The following KLC4 variants were observed in gnomAD, a reference collection of about 807,000 sequenced individuals.
The protein encoded by KLC4 is kinesin-like protein 8.
In KLC4, 49 loss-of-function variants were observed where a neutral mutation model predicts 77.2. That is an observed-to-expected ratio of 0.63 (90% confidence interval 0.50 to 0.80). KLC4 has a LOEUF of 0.80. Ranked by LOEUF, KLC4 falls within the 30% of genes least tolerant of loss-of-function variation. The pLI, the probability that KLC4 is intolerant of heterozygous loss-of-function variation, is 0.00. For synonymous variants in KLC4, 274 were observed against 314.5 expected, an observed-to-expected ratio of 0.87 and a Z score of 1.36; for missense variants, 669 against 793.5, an observed-to-expected ratio of 0.84 and a Z score of 1.89.
rs140510055 is a variant in KLC4, at chr6:43,061,361, G to C, written c.26G>C (p.Arg9Pro). Residue 9 changes from arginine (R) to proline (P), a missense_variant, in exon 2 of 16, where the codon CGG becomes CCG. Coordinates refer to ENST00000347162, the MANE Select transcript of KLC4 (RefSeq NM_201521.3). MSGLVLGQ[R>P]DEPAGHRLSQ... ...ATGTCAGGCCTGGTGTTGGGGCAGCGGGATGAGCCTGCAGGCCACCGGCTC... is the reference window on the plus strand; with the variant it reads ...ATGTCAGGCCTGGTGTTGGGGCAGCCGGATGAGCCTGCAGGCCACCGGCTC... The C allele has an allele frequency of 1.9e-6, 3 of 1,613,728 alleles. No homozygotes were observed. Among genetic ancestry groups the C allele is most frequent in the Non-Finnish European group, 2.5e-6 (3 of 1,180,036 alleles).
chr6:43,061,608 G>A lies in KLC4; in HGVS notation c.258+15G>A. 3.7e-6 allele frequency: 6 copies of A among 1,600,336 alleles called. No homozygotes were observed. Among genetic ancestry groups the A allele is most frequent in the Non-Finnish European group, 5.1e-6 (6 of 1,170,502 alleles). The stretch of plus-strand genomic sequence containing the variant: ...GTGAGGCCCAGGTGAGAGGGCAAAG[G>A]TGGTGCCAAGTGGTCCAGGGTGGAT... On this transcript the variant is annotated intron_variant, in intron 2 of 15. Coordinates refer to ENST00000347162, the MANE Select transcript of KLC4 (RefSeq NM_201521.3).
chr6:43,067,794 CAAA>C (rs1194376962), intron 6 of KLC4, among the ~76,000 whole-genome samples: 2 of 44,686 alleles, frequency 4.5e-5, no homozygotes, highest in Admixed American at 2.5e-4. Context: ...GACTCCGTCT[CAAA>C]AAAAAAAAAA....
rs1042876380 is a variant in KLC4, at chr6:43,059,670, C to G, written c.-41C>G. On this transcript the variant is annotated 5_prime_UTR_variant, in exon 1 of 16. Coordinates refer to ENST00000347162, the MANE Select transcript of KLC4 (RefSeq NM_201521.3). ...GCAGTACCGGCAAGAGCGGCAGCCA[C>G]ACCGGCAGATTGCAGGTGAGTCTTT... 1 of 1,346,782 alleles carries G rather than the reference C, an allele frequency of 7.4e-7. No homozygotes were observed. The highest frequency in any genetic ancestry group is 9.5e-7 in the Non-Finnish European group (1 of 1,052,026). 83.4% of individuals were successfully genotyped at this position (1,346,782 alleles called of 1,614,324 possible). A position where few individuals can be genotyped will look rare whatever the true frequency, so the allele number is the denominator to read the frequency against.
chr6:43,071,917 G>A lies in KLC4; in HGVS notation c.1374G>A (p.Val458=), dbSNP rs754904866. ...GAGGCTGGTACAAGGCCTGCAAAGT[G>A]AGCAGGTGAGCTGACAGTGAAAAGC... is the stretch of plus-strand genomic sequence containing the variant. ...EYGGWYKACK[V]SSPTVNTTLR... Residue 458 remains valine (V), a synonymous_variant, in exon 11 of 16, where the codon GTG becomes GTA. Coordinates refer to ENST00000347162, the MANE Select transcript of KLC4 (RefSeq NM_201521.3). The A allele has an allele frequency of 6.2e-7, 1 of 1,609,264 alleles. No homozygotes were observed. The highest frequency in any genetic ancestry group is 1.3e-5 in the African/African-American group (1 of 74,892).
intron 5 of KLC4, among the ~76,000 whole-genome samples, 156 bp downstream of exon 5, chr6:43,066,681 T>A (rs1290184494): frequency 6.6e-6 from 1 of 152,184 alleles, no homozygotes; most frequent in East Asian, 1.9e-4. Flanking sequence ...GCCAGAACTC[T>A]CACTTTTCCC....
chr6:43,072,328 G>C, intron 12 of KLC4, 73 bp downstream of exon 12: 1 of 1,146,416 alleles, frequency 8.7e-7, no homozygotes, highest in East Asian at 2.4e-5. Context: ...AGGTTTCTTG[G>C]GAGTCTCCTA....
Position 43,066,487 on chromosome 6 carries a change from T to G in KLC4, c.753T>G (p.Asp251Glu). ...GCACATCAGGCCGTGGCCACCCTGA[T>G]GTCGCCACCATGCTCAACATCCTTG... ...LERTSGRGHP[D>E]VATMLNILAL... is the part of the protein sequence containing the mutation. Residue 251 changes from aspartate (D) to glutamate (E), a missense_variant, in exon 5 of 16, where the codon GAT becomes GAG. Transcript: ENST00000347162. 6.2e-7 allele frequency: 1 copy of G among 1,613,902 alleles called. No homozygotes were observed. The highest frequency in any genetic ancestry group is 8.5e-7 in the Non-Finnish European group (1 of 1,179,884).
chr6:43,063,878 G>A (rs780481425), intron 3 of KLC4, among the ~76,000 whole-genome samples: 6 of 151,458 alleles, frequency 4.0e-5, no homozygotes, highest in Non-Finnish European at 8.8e-5. Flanking sequence ...TTTAACCCTC[G>A]CTCAACAGAA....
intron 1 of KLC4, chr6:43,060,418 A>G (rs1264487506): frequency 1.3e-6 from 1 of 790,792 alleles, no homozygotes; most frequent in Non-Finnish European, 1.8e-6. Flanking sequence ...GGAGGGAGGG[A>G]GGGTGTTTGT....
In KLC4 at chr6:43,070,466, CCTCT is replaced by C; in HGVS notation, c.981+15_981+18del. On this transcript the variant is annotated intron_variant, in intron 7 of 15. Coordinates refer to ENST00000347162, the MANE Select transcript of KLC4 (RefSeq NM_201521.3). ...GAGATTCGAGAAAAGGTACCCATGC[CCTCT>C]CTCCCTTCTTCTCTTGTCGCTGTGA... The C allele has an allele frequency of 1.3e-6, 2 of 1,586,290 alleles. No individual in the cohort carries two copies. Among genetic ancestry groups the C allele is most frequent in the South Asian group, 2.2e-5 (2 of 90,462 alleles).
In KLC4 at chr6:43,059,901, C is replaced by G. The variant is rs1043011471; in HGVS notation, c.-26+216C>G. 1.1e-5 allele frequency: 14 copies of G among 1,249,408 alleles called. No homozygotes were observed. In the South Asian group the frequency reaches 1.5e-4, roughly 14 times the overall value. 77.4% of individuals were successfully genotyped at this position (1,249,408 alleles called of 1,614,324 possible). A position where few individuals can be genotyped will look rare whatever the true frequency, so the allele number is the denominator to read the frequency against. On this transcript the variant is annotated intron_variant, in intron 1 of 15. Transcript: ENST00000347162. The stretch of plus-strand genomic sequence containing the variant: ...CTGCGCCACCGACTGACTCAGTGAC[C>G]TCGGGGTCGTTAGGCCTCCACGTCC...
chr6:43,067,407 A>G (rs1765492863), intron 6 of KLC4: 3 of 403,420 alleles, frequency 7.4e-6, no homozygotes, highest in South Asian at 1.4e-4. Flanking sequence ...AGTAATTTGT[A>G]AGGACAATAT....
chr6:43,071,664 C>A (rs745915206), intron 10 of KLC4, 45 bp downstream of exon 10: 1 of 1,589,078 alleles, frequency 6.3e-7, no homozygotes, highest in Non-Finnish European at 8.6e-7. Flanking sequence ...TCAAGGCTAC[C>A]GGGGTCTCTG....
chr6:43,062,843 C>A, intron 2 of KLC4, 74 bp from the exon 3 acceptor site: 1 of 1,289,112 alleles, frequency 7.8e-7, no homozygotes, highest in East Asian at 2.4e-5. Flanking sequence ...TGCCACGTCC[C>A]AGTAGGCTCC....
In KLC4 at chr6:43,070,464, G is replaced by GC. The variant is rs147764551; in HGVS notation, c.981+12dup. On this transcript the variant is annotated intron_variant, in intron 7 of 15. Coordinates refer to ENST00000347162, the MANE Select transcript of KLC4 (RefSeq NM_201521.3). ...TGGAGATTCGAGAAAAGGTACCCAT[G>GC]CCCTCTCTCCCTTCTTCTCTTGTCG... 3,448 of 1,596,186 alleles carry GC rather than the reference G, an allele frequency of 2.2e-3. 69 individuals are homozygous for GC. The African/African-American group carries it at 0.039, about 18-fold the overall frequency.
At chr6:43,063,742 C>T (rs1446284732) in intron 3 of KLC4, among the ~76,000 whole-genome samples, 3 of 150,524 alleles carry the variant, frequency 2.0e-5, no homozygotes, top group South Asian at 2.1e-4. Context: ...TTACTAGAGA[C>T]GGGGTTTCAC....
intron 1 of KLC4, 131 bp from the exon 2 acceptor site, chr6:43,061,180 C>G: frequency 1.1e-6 from 1 of 929,610 alleles, no homozygotes; most frequent in South Asian, 1.6e-5. Flanking sequence ...TGGTCACTCT[C>G]TCTCTCCAGC....
At position 43,072,125 on chromosome 6, in the gene KLC4, TC is replaced by T. The variant is rs542807534; in HGVS notation, c.1380-21del. The T allele has an allele frequency of 2.8e-4, 446 of 1,587,398 alleles. No homozygotes were observed. The African/African-American group carries it at 5.5e-3, about 20-fold the overall frequency. On this transcript the variant is annotated intron_variant, in intron 11 of 15. Transcript: ENST00000347162. Reference sequence around the variant, plus strand: ...TTCTGAACTCATTCTCTCTTCCTTCTCTGGTCTCTTTCTCACCACAGCCCCA... The same window carrying T: ...TTCTGAACTCATTCTCTCTTCCTTCTTGGTCTCTTTCTCACCACAGCCCCA...
intron 12 of KLC4, 35 bp from the exon 13 acceptor site, chr6:43,072,789 A>T (rs1478832275): frequency 2.5e-6 from 4 of 1,608,864 alleles, no homozygotes; most frequent in Non-Finnish European, 3.4e-6. Context: ...GGAGTTAAGG[A>T]GTAGGAAGTC....
Sources: gnomAD v4.1 joint callset for allele counts (sites outside exome capture counted in the v4.1 genomes callset) on GRCh38, gnomAD v4.1.1 for gene constraint, MANE v1.5 for transcripts, NCBI Gene and HGNC (gene_info 2026-07-23, HGNC 2026-07-21) for gene names.